Variants in XRN2 observed in about 807,000 individuals in gnomAD.
The protein encoded by XRN2 is 5'-3' exoribonuclease 2.
A neutral mutation model predicts 138.5 loss-of-function variants in XRN2; 44 were observed. The ratio of observed to expected loss-of-function variants is 0.32; its 90% CI spans 0.25 to 0.41. The LOEUF (loss-of-function observed/expected upper bound fraction) is 0.41, where lower values mean the gene tolerates loss of function less well. XRN2 is among the 10% of genes least tolerant of loss of function. XRN2 has a pLI of 1.00. For synonymous variants in XRN2, 354 were observed against 369.4 expected, an observed-to-expected ratio of 0.96 and a Z score of 0.48; for missense variants, 937 against 1,169.3, an observed-to-expected ratio of 0.80 and a Z score of 2.90.
intron 20 of XRN2, among the ~76,000 whole-genome samples, chr20:21,351,714 T>C (rs989857909): frequency 2.0e-5 from 3 of 152,212 alleles, no homozygotes; most frequent in Non-Finnish European, 2.9e-5. Context: ...AGTTACACAG[T>C]TTTAGTTCTT....
At position 21,326,574 on chromosome 20, in the gene XRN2, A is replaced by G; in HGVS notation, c.288A>G (p.Arg96=). The change falls in exon 3 of 30, where the codon AGA becomes AGG. Residue 96 remains arginine (R), a synonymous_variant. Coordinates refer to ENST00000377191, the MANE Select transcript of XRN2 (RefSeq NM_012255.5). ...TTTTCAGTATTGTAAGACCAAGAAG[A>G]CTTCTCTACATGGCAATAGATGGAG... ...DRLFSIVRPR[R]LLYMAIDGVA... The G allele has an allele frequency of 6.2e-7, 1 of 1,613,988 alleles. No individual in the cohort carries two copies. The highest frequency in any genetic ancestry group is 8.5e-7 in the Non-Finnish European group (1 of 1,179,940).
rs1158648969 is a variant in XRN2 at position 21,354,800 on chromosome 20, T to C, written c.1948T>C (p.Leu650=). 8 of 1,613,870 alleles carry C rather than the reference T, an allele frequency of 5.0e-6. No individual in the cohort carries two copies. The highest frequency in any genetic ancestry group is 6.8e-6 in the Non-Finnish European group (8 of 1,179,944). Residue 650 remains leucine, a synonymous_variant, in exon 21 of 30, where the codon TTG becomes CTG. Coordinates refer to ENST00000377191, the MANE Select transcript of XRN2 (RefSeq NM_012255.5). ...ACTTGTTTTTTCAGGTGTTGCTCTC[T>C]TGCCATTCGTGGATGAGCGAAGGCT... ...KKYAWQGVAL[L]PFVDERRLRA... is the part of the protein sequence containing the mutation.
intron 1 of XRN2, among the ~76,000 whole-genome samples, chr20:21,319,123 T>C (rs2038002769): frequency 6.6e-6 from 1 of 152,144 alleles, no homozygotes; most frequent in African/African-American, 2.4e-5. Context: ...TTTTTATCGT[T>C]ATAAAATGAC....
chr20:21,368,949 A>G (rs2038732928), intron 27 of XRN2, among the ~76,000 whole-genome samples: 2 of 152,174 alleles, frequency 1.3e-5, no homozygotes, highest in Admixed American at 6.5e-5. Flanking sequence ...TGAAATGTAC[A>G]ATTAAATTAT....
intron 13 of XRN2, among the ~76,000 whole-genome samples, chr20:21,337,448 T>G (rs561374967): frequency 6.6e-6 from 1 of 152,276 alleles, no homozygotes; most frequent in African/African-American, 2.4e-5. Context: ...AAAGGTGGGT[T>G]GGGGATTCTA....
chr20:21,372,336 A>G (rs2038772721), intron 27 of XRN2, among the ~76,000 whole-genome samples: 1 of 152,312 alleles, frequency 6.6e-6, no homozygotes, highest in South Asian at 2.1e-4. Context: ...CTAGGCTGAG[A>G]GAAAATTATG....
At chr20:21,322,921 G>A (rs1388592937) in intron 1 of XRN2, among the ~76,000 whole-genome samples, 2 of 152,148 alleles carry the variant, frequency 1.3e-5, no homozygotes, top group East Asian at 3.9e-4. Context: ...TCCTTCCTAG[G>A]CATTGTTACT....
chr20:21,353,118 A>G (rs892445358), intron 20 of XRN2, among the ~76,000 whole-genome samples: 15 of 147,392 alleles, frequency 1.0e-4, no homozygotes, highest in African/African-American at 3.5e-4. Flanking sequence ...CTTATTTTAT[A>G]TATGTATAAT....
intron 27 of XRN2, among the ~76,000 whole-genome samples, chr20:21,377,869 G>GAGAT (rs2038843354): frequency 6.6e-6 from 1 of 152,122 alleles, no homozygotes; most frequent in African/African-American, 2.4e-5. Flanking sequence ...TGTCCCTAGG[G>GAGAT]AGATAGGCTT....
intron 1 of XRN2, among the ~76,000 whole-genome samples, chr20:21,319,665 A>G (rs1399100887): frequency 6.6e-6 from 1 of 152,134 alleles, no homozygotes; most frequent in Non-Finnish European, 1.5e-5. Flanking sequence ...TCAGTAATAC[A>G]TGCTAAAATT....
chr20:21,344,890 A>T (rs949563369), intron 16 of XRN2, among the ~76,000 whole-genome samples: 2 of 152,186 alleles, frequency 1.3e-5, no homozygotes, highest in African/African-American at 4.8e-5. Context: ...AAGGCCAACA[A>T]TCTCAATAAT....
At chr20:21,346,308 C>CATTTCCCCTGGGTATTAAAT in intron 16 of XRN2, 107 bp from the exon 17 acceptor site, 1 of 1,413,248 alleles carries the variant, frequency 7.1e-7, no homozygotes, top group Non-Finnish European at 9.7e-7. Flanking sequence ...AACTCTTTCA[C>CATTTCCCCTGGGTATTAAAT]ATTTCCCCTG....
chr20:21,348,275 CATAAAGTTT>C (rs767827083), intron 18 of XRN2, 22 bp downstream of exon 18: 82 of 1,611,992 alleles, frequency 5.1e-5, no homozygotes, highest in Non-Finnish European at 6.9e-5. Context: ...TACTTAAAGT[CATAAAGTTT>C]ATAGAATTCT....
At chr20:21,303,846 A>G in intron 1 of XRN2, 1 of 1,025,882 alleles carries the variant, frequency 9.7e-7, no homozygotes, top group African/African-American at 1.7e-5. Context: ...AATGCATGCC[A>G]GGTCAGCTGA....
At chr20:21,353,023 G>C (rs888182717) in intron 20 of XRN2, among the ~76,000 whole-genome samples, 7 of 151,546 alleles carry the variant, frequency 4.6e-5, no homozygotes, top group African/African-American at 1.7e-4. Context: ...GTAATTTATT[G>C]CTTAGTGATT....
At position 21,357,755 on chromosome 20, in the gene XRN2, C is replaced by G; in HGVS notation, c.2218C>G (p.Pro740Ala). 2 of 1,598,268 alleles carry G rather than the reference C, an allele frequency of 1.3e-6. No individual in the cohort carries two copies. Among genetic ancestry groups the G allele is most frequent in the Non-Finnish European group, 1.7e-6 (2 of 1,172,714 alleles). ...LPDQIVCSPV[P>A]MLRDLTQNTV... ...TTCTAGAATAGTATGTTCTCCTGTT[C>G]CTATGTTAAGGGATCTGACACAGAA... Residue 740 changes from proline (P) to alanine (A), a missense_variant, in exon 24 of 30, where the codon CCT becomes GCT. Coordinates refer to ENST00000377191, the MANE Select transcript of XRN2 (RefSeq NM_012255.5).
At chr20:21,342,357 A>G (rs2038382877) in intron 15 of XRN2, among the ~76,000 whole-genome samples, 5 of 151,432 alleles carry the variant, frequency 3.3e-5, no homozygotes, top group Middle Eastern at 6.8e-3. Context: ...TAATTTGATG[A>G]AAAAAACAGC....
intron 1 of XRN2, among the ~76,000 whole-genome samples, chr20:21,321,337 G>C (rs1363373957): frequency 2.0e-5 from 3 of 150,284 alleles, no homozygotes; most frequent in Non-Finnish European, 4.4e-5. Flanking sequence ...GTGTGTGTGT[G>C]TGTGTGTGTG....
intron 14 of XRN2, among the ~76,000 whole-genome samples, chr20:21,339,892 G>A (rs1393691808): frequency 6.6e-6 from 1 of 152,010 alleles, no homozygotes; most frequent in East Asian, 1.9e-4. Context: ...CTTTTACTAC[G>A]TTTTGTTAGA....
Sources: gnomAD v4.1 joint callset for allele counts (sites outside exome capture counted in the v4.1 genomes callset) on GRCh38, gnomAD v4.1.1 for gene constraint, MANE v1.5 for transcripts, NCBI Gene and HGNC (gene_info 2026-07-23, HGNC 2026-07-21) for gene names.